MARCHF6: variants seen among roughly 807,000 people sequenced by gnomAD.
MARCHF6 encodes the protein membrane associated ring-CH-type finger 6.
In MARCHF6, 31 loss-of-function variants were observed where a neutral mutation model predicts 133.7. That is an observed-to-expected ratio of 0.23 (90% CI 0.17 to 0.31). MARCHF6 has a LOEUF of 0.31. Ranked by LOEUF, MARCHF6 falls within the 10% of genes least tolerant of loss-of-function variation. The pLI, the probability that MARCHF6 is intolerant of heterozygous loss-of-function variation, is 1.00. For synonymous variants in MARCHF6, 395 were observed against 402.5 expected (o/e 0.98, Z 0.22); for missense variants, 723 against 1,121.6 (o/e 0.64, Z 5.08).
At chr5:10,374,822 G>T (rs978815506) in intron 1 of MARCHF6, among the ~76,000 whole-genome samples, 3 of 152,302 alleles carry the variant, frequency 2.0e-5, no homozygotes, top group Middle Eastern at 6.8e-3. Flanking sequence ...GAAGGTCTGT[G>T]TTCATAGCTG....
At chr5:10,431,786 G>C (rs927368373) in intron 25 of MARCHF6, among the ~76,000 whole-genome samples, 2 of 152,112 alleles carry the variant, frequency 1.3e-5, no homozygotes, top group African/African-American at 4.8e-5. Flanking sequence ...CTTGGTTTCT[G>C]TATGCTTTTT....
At position 10,435,658 on chromosome 5, in the gene MARCHF6, TATATATATATATATATATATA is replaced by T. The variant is rs1740593219; in HGVS notation, c.*1975_*1995del. ...ATATAACTATATATATATATATATA[TATATATATATATATATATATA>T]TATATATATATATATATATTTTTTT... On this transcript the variant is annotated 3_prime_UTR_variant, in exon 26 of 26. Coordinates refer to ENST00000274140, the MANE Select transcript of MARCHF6 (RefSeq NM_005885.4). 1 of 4,862 alleles carries T rather than the reference TATATATATATATATATATATA, an allele frequency of 2.1e-4. No homozygotes were observed. The highest frequency in any genetic ancestry group is 1.5e-3 in the African/African-American group (1 of 676). 0.3% of individuals were successfully genotyped at this position (4,862 alleles called of 1,614,324 possible).
At chr5:10,370,344 C>G (rs1245347138) in intron 1 of MARCHF6, among the ~76,000 whole-genome samples, 1 of 151,978 alleles carries the variant, frequency 6.6e-6, no homozygotes, top group African/African-American at 2.4e-5. Context: ...CTCATGTGAT[C>G]CTCTTGCCTG....
rs1739392398 is a variant in MARCHF6, at chr5:10,414,415, T to C, written c.1897-18T>C. 2 of 1,537,524 alleles carry C rather than the reference T, an allele frequency of 1.3e-6. No individual in the cohort carries two copies. The highest frequency in any genetic ancestry group is 2.7e-5 in the African/African-American group (2 of 73,392). On this transcript the variant is annotated intron_variant, in intron 19 of 25. Coordinates refer to ENST00000274140, the MANE Select transcript of MARCHF6 (RefSeq NM_005885.4). ...CACGTGTTCTCTATTTATGCACTCC[T>C]TATGTTTTACTTTGCAGATATTTCT...
chr5:10,357,353 G>GTTTTTTTTTTT (rs56199979), intron 1 of MARCHF6, among the ~76,000 whole-genome samples: 1 of 146,946 alleles, frequency 6.8e-6, no homozygotes, highest in Non-Finnish European at 1.5e-5. Context: ...TAAAGCTGAG[G>GTTTTTTTTTTT]TTTTTTTTTT....
rs750919603 is a variant in MARCHF6, at chr5:10,390,309, A to G, written c.408-23A>G. On this transcript the variant is annotated intron_variant, in intron 5 of 25. Coordinates refer to ENST00000274140, the MANE Select transcript of MARCHF6 (RefSeq NM_005885.4). ...ATTTTAAGTCTTCTTTGGAGTAATT[A>G]TATGTACTTTTTTTTTTAATAGGGA... is the stretch of plus-strand genomic sequence containing the variant. 4.4e-6 allele frequency: 7 copies of G among 1,597,988 alleles called. No individual in the cohort carries two copies. The Admixed American group carries it at 6.9e-5, about 16-fold the overall frequency.
chr5:10,432,571 A>C (rs960154713), intron 25 of MARCHF6, among the ~76,000 whole-genome samples: 1 of 152,264 alleles, frequency 6.6e-6, no homozygotes, highest in Non-Finnish European at 1.5e-5. Context: ...GCAGGCCTTC[A>C]GTGAGCCTTC....
In MARCHF6 at chr5:10,433,690, T is replaced by G. The variant is rs1740476042; in HGVS notation, c.*6T>G. 6.2e-7 allele frequency: 1 copy of G among 1,612,920 alleles called. No homozygotes were observed. The highest frequency in any genetic ancestry group is 1.3e-5 in the African/African-American group (1 of 74,878). ...CACAGTCATCCCAAGAATAAAGTAG[T>G]TGTCTCAACAACTTGACCTTCCCCT... is the stretch of plus-strand genomic sequence containing the variant. On this transcript the variant is annotated 3_prime_UTR_variant, in exon 26 of 26. Coordinates refer to ENST00000274140, the MANE Select transcript of MARCHF6 (RefSeq NM_005885.4).
At chr5:10,407,327 G>T (rs1268000369) in intron 17 of MARCHF6, 125 bp downstream of exon 17, 1 of 412,418 alleles carries the variant, frequency 2.4e-6, no homozygotes. Context: ...ATTAAATTTT[G>T]CTTTATTTTA....
chr5:10,404,249 G>A (rs1164988810), intron 15 of MARCHF6, among the ~76,000 whole-genome samples: 1 of 151,830 alleles, frequency 6.6e-6, no homozygotes, highest in Non-Finnish European at 1.5e-5. Context: ...TGTATTTTTA[G>A]TAGAGACAGG....
At chr5:10,398,163 A>G in intron 10 of MARCHF6, among the ~76,000 whole-genome samples, 1 of 152,148 alleles carries the variant, frequency 6.6e-6, no homozygotes, top group East Asian at 1.9e-4. Flanking sequence ...TCCTTAGTAC[A>G]TGGGATTTAC....
rs1231286916 is a variant in MARCHF6 at position 10,403,444 on chromosome 5, G to A, written c.1235G>A (p.Ser412Asn). 3 of 1,613,878 alleles carry A rather than the reference G, an allele frequency of 1.9e-6. No homozygotes were observed. The highest frequency in any genetic ancestry group is 2.2e-5 in the East Asian group (1 of 44,862). The change falls in exon 15 of 26, where the codon AGC (serine) becomes AAC (asparagine). Residue 412 changes from serine (S) to asparagine (N), a missense_variant. Physicochemically the swap from Ser to Asn is conservative, Grantham distance 46. Around this residue, in one of 4 missense-constraint regions of MARCHF6, gnomAD observed 492 missense variants for 699.5 expected, o/e 0.70. Transcript: ENST00000274140. ...GCTACTCTGAAAGATCGAGAACTGA[G>A]CTTTCAGTCGGCTCCAGGTACTACC... ...FDATLKDREL[S>N]FQSAPGTTMF...
intron 2 of MARCHF6, 94 bp from the exon 3 acceptor site, chr5:10,378,665 A>G: frequency 1.3e-6 from 1 of 790,060 alleles, no homozygotes; most frequent in Admixed American, 2.6e-5. Context: ...AAGCTCTGTG[A>G]TATATACATT....
chr5:10,353,846 C>G lies in MARCHF6; in HGVS notation c.-53C>G. Reference sequence around the variant, plus strand: ...CTCCTCCTCTCCCCTCCCTCTTTCCCCGCCCGGCCGCGGGAGCCTCGTGGC... The same window carrying G: ...CTCCTCCTCTCCCCTCCCTCTTTCCGCGCCCGGCCGCGGGAGCCTCGTGGC... On this transcript the variant is annotated 5_prime_UTR_variant, in exon 1 of 26. Coordinates refer to ENST00000274140, the MANE Select transcript of MARCHF6 (RefSeq NM_005885.4). 2 of 1,534,822 alleles carry G rather than the reference C, an allele frequency of 1.3e-6. No individual in the cohort carries two copies. Among genetic ancestry groups the G allele is most frequent in the Non-Finnish European group, 1.8e-6 (2 of 1,139,864 alleles).
Position 10,402,517 on chromosome 5 carries a change from T to TAC in MARCHF6, c.1123-16_1123-15insAC. 2 of 1,613,414 alleles carry TAC rather than the reference T, an allele frequency of 1.2e-6. No individual in the cohort carries two copies. Among genetic ancestry groups the TAC allele is most frequent in the Non-Finnish European group, 1.7e-6 (2 of 1,179,416 alleles). ...CTACATTTGGGTGATACTGATGACC[T>TAC]TTATTTTCACTTAAGGTCTCTTTGT... On this transcript the variant is annotated splice_polypyrimidine_tract_variant and intron_variant, in intron 13 of 25. Coordinates refer to ENST00000274140, the MANE Select transcript of MARCHF6 (RefSeq NM_005885.4).
At chr5:10,393,518 CCTG>C (rs1010473564) in intron 7 of MARCHF6, among the ~76,000 whole-genome samples, 1 of 152,176 alleles carries the variant, frequency 6.6e-6, no homozygotes, top group Non-Finnish European at 1.5e-5. Context: ...GAGAATACAG[CCTG>C]CTGCTACCCT....
At chr5:10,374,853 T>C (rs995706890) in intron 1 of MARCHF6, among the ~76,000 whole-genome samples, 1 of 152,202 alleles carries the variant, frequency 6.6e-6, no homozygotes, top group Non-Finnish European at 1.5e-5. Context: ...GCAACAGCAA[T>C]AGAGACAGCT....
intron 10 of MARCHF6, among the ~76,000 whole-genome samples, chr5:10,399,834 A>G (rs1738419703): frequency 6.6e-6 from 1 of 151,874 alleles, no homozygotes. Flanking sequence ...CCCCCAACTC[A>G]CCCTATTTGG....
intron 1 of MARCHF6, among the ~76,000 whole-genome samples, chr5:10,369,915 A>T (rs919939558): frequency 5.9e-5 from 9 of 151,946 alleles, no homozygotes; most frequent in Admixed American, 5.9e-4. Flanking sequence ...GATTGTTTCT[A>T]GTTTTGGGGA....
Sources: allele counts gnomAD v4.1 joint callset (sites outside exome capture counted in the v4.1 genomes callset), GRCh38; gene constraint gnomAD v4.1.1; regional missense constraint gnomAD v4.1.1; transcripts MANE v1.5; gene names NCBI Gene and HGNC (gene_info 2026-07-23, HGNC 2026-07-21).